The following GNPNAT1 variants were observed in gnomAD, a reference collection of about 807,000 sequenced individuals.
GNPNAT1 encodes glucosamine 6-phosphate N-acetyltransferase.
A neutral mutation model predicts 19.8 loss-of-function variants in GNPNAT1; 11 were observed. The ratio of observed to expected loss-of-function variants is 0.56; its 90% confidence interval spans 0.35 to 0.92. The LOEUF (loss-of-function observed/expected upper bound fraction) is 0.92. Ranked by LOEUF, GNPNAT1 falls within the 40% of genes least tolerant of loss-of-function variation. The pLI is 0.01. For missense variants in GNPNAT1, 157 were observed against 211.0 expected (o/e 0.74, Z 1.59); for synonymous variants, 71 against 72.3 (o/e 0.98, Z 0.09).
chr14:52,778,897 C>T (rs763513817), intron 5 of GNPNAT1, among the ~76,000 whole-genome samples: 52 of 152,112 alleles, frequency 3.4e-4, no homozygotes, highest in Non-Finnish European at 6.0e-4. Context: ...TGCCTAAAGT[C>T]GCAGCTACTC....
chr14:52,781,740 G>A (rs1485975466), intron 4 of GNPNAT1, 44 bp downstream of exon 4: 3 of 1,545,080 alleles, frequency 1.9e-6, no homozygotes, highest in African/African-American at 1.4e-5. Context: ...AAAGTCAGTT[G>A]TGCTAGAAAA....
At chr14:52,781,275 G>C (rs1427604767) in intron 4 of GNPNAT1, among the ~76,000 whole-genome samples, 2 of 151,942 alleles carry the variant, frequency 1.3e-5, no homozygotes, top group African/African-American at 2.4e-5. Context: ...TTAATGTCTA[G>C]TACAGAAACC....
At chr14:52,781,523 G>A (rs1027619608) in intron 4 of GNPNAT1, among the ~76,000 whole-genome samples, 1 of 151,872 alleles carries the variant, frequency 6.6e-6, no homozygotes. Context: ...TTTTAAAAGA[G>A]TAACATTAGG....
chr14:52,782,952 G>C (rs1445482559), intron 3 of GNPNAT1, among the ~76,000 whole-genome samples: 1 of 152,028 alleles, frequency 6.6e-6, no homozygotes, highest in East Asian at 1.9e-4. Context: ...GCAAGTCTTT[G>C]GATCTCTCTA....
rs1882764419 is a variant in GNPNAT1, at chr14:52,777,474, T to C, written c.*837A>G. ...TATTGTGTTTCACTCAATTTTGTGATACTCCATTTTTGAAAAAACTTAGAG... is the reference window on the plus strand; with the variant it reads ...TATTGTGTTTCACTCAATTTTGTGACACTCCATTTTTGAAAAAACTTAGAG... On this transcript the variant is annotated 3_prime_UTR_variant, in exon 6 of 6. Coordinates refer to ENST00000216410, the MANE Select transcript of GNPNAT1 (RefSeq NM_198066.4). 1 of 152,158 alleles carries C rather than the reference T, an allele frequency of 6.6e-6. No individual in the cohort carries two copies. Among genetic ancestry groups the C allele is most frequent in the Admixed American group, 6.5e-5 (1 of 15,280 alleles). 9.4% of individuals were successfully genotyped at this position (152,158 alleles called of 1,614,324 possible).
chr14:52,780,834 T>C (rs1318566441), intron 4 of GNPNAT1, 94 bp from the exon 5 acceptor site: 1 of 730,672 alleles, frequency 1.4e-6, no homozygotes, highest in African/African-American at 1.8e-5. Context: ...AAGTAGTATA[T>C]TTTGTAAACT....
At chr14:52,785,907 C>T (rs1883005096) in intron 1 of GNPNAT1, among the ~76,000 whole-genome samples, 1 of 150,750 alleles carries the variant, frequency 6.6e-6, no homozygotes, top group Admixed American at 6.6e-5. Flanking sequence ...GCCACCACGC[C>T]CAGCTAGTTT....
At chr14:52,783,208 A>T (rs940515868) in intron 3 of GNPNAT1, among the ~76,000 whole-genome samples, 1 of 152,140 alleles carries the variant, frequency 6.6e-6, no homozygotes, top group Admixed American at 6.5e-5. Flanking sequence ...TAATTATCTA[A>T]TAAAGTAGTC....
At chr14:52,789,636 G>A (rs1883107447) in intron 1 of GNPNAT1, among the ~76,000 whole-genome samples, 1 of 152,130 alleles carries the variant, frequency 6.6e-6, no homozygotes. Flanking sequence ...GATATGACTT[G>A]AAACCTGGTT....
intron 1 of GNPNAT1, among the ~76,000 whole-genome samples, chr14:52,786,529 T>C (rs1047142396): frequency 9.2e-5 from 14 of 151,992 alleles, no homozygotes; most frequent in Admixed American, 7.2e-4. Flanking sequence ...AAAATTAAAC[T>C]GTATAGTGTT....
At chr14:52,790,993 A>G (rs1883158977) in intron 1 of GNPNAT1, among the ~76,000 whole-genome samples, 1 of 151,978 alleles carries the variant, frequency 6.6e-6, no homozygotes, top group African/African-American at 2.4e-5. Context: ...AGCTGCCTCA[A>G]TGGCTCCGAC....
At position 52,778,442 on chromosome 14, in the gene GNPNAT1, T is replaced by C; in HGVS notation, c.424A>G (p.Thr142Ala). 6.2e-7 allele frequency: 1 copy of C among 1,605,946 alleles called. No individual in the cohort carries two copies. The highest frequency in any genetic ancestry group is 8.5e-7 in the Non-Finnish European group (1 of 1,177,610). Reference sequence around the variant, plus strand: ...CAGTTCAGTTTCTTGCTTAGCAAAGTAAGGGTTGATAATAACCTGAAATTT... The same window carrying C: ...CAGTTCAGTTTCTTGCTTAGCAAAGCAAGGGTTGATAATAACCTGAAATTT... ...QLGKLLLSTL[T>A]LLSKKLNCYK... Residue 142 changes from threonine to alanine, a missense_variant, in exon 6 of 6, where the codon ACT (threonine) becomes GCT (alanine). Coordinates refer to ENST00000216410, the MANE Select transcript of GNPNAT1 (RefSeq NM_198066.4).
chr14:52,780,672 T>A lies in GNPNAT1; in HGVS notation c.407+7A>T. The A allele has an allele frequency of 6.3e-7, 1 of 1,580,676 alleles. No individual in the cohort carries two copies. On this transcript the variant is annotated splice_region_variant and intron_variant, in intron 5 of 5. Coordinates refer to ENST00000216410, the MANE Select transcript of GNPNAT1 (RefSeq NM_198066.4). ...TATCCAGGGTTACCTTGTTTCTGCC[T>A]ACTTACAATTTGCCAAGCTGCTTTC...
intron 3 of GNPNAT1, 110 bp downstream of exon 3, chr14:52,783,313 G>T: frequency 1.5e-6 from 1 of 672,426 alleles, no homozygotes; most frequent in South Asian, 2.0e-5. Context: ...TTTGTTCTTT[G>T]AATAATTTCC....
At chr14:52,781,700 T>G in intron 4 of GNPNAT1, 84 bp downstream of exon 4, 4 of 1,304,162 alleles carry the variant, frequency 3.1e-6, no homozygotes, top group African/African-American at 1.5e-5. Flanking sequence ...TGAAAATCAA[T>G]GAGAAAACAG....
At chr14:52,781,746 G>A (rs1181922788) in intron 4 of GNPNAT1, 38 bp downstream of exon 4, 1 of 1,554,064 alleles carries the variant, frequency 6.4e-7, no homozygotes, top group East Asian at 2.4e-5. Context: ...AGTTGTGCTA[G>A]AAAACAGCTG....
At chr14:52,787,628 A>G (rs1397984856) in intron 1 of GNPNAT1, among the ~76,000 whole-genome samples, 1 of 152,120 alleles carries the variant, frequency 6.6e-6, no homozygotes, top group African/African-American at 2.4e-5. Flanking sequence ...CAACTGTGTG[A>G]TATGTACTAC....
At chr14:52,781,274 A>G (rs1416971889) in intron 4 of GNPNAT1, among the ~76,000 whole-genome samples, 4 of 152,142 alleles carry the variant, frequency 2.6e-5, no homozygotes, top group African/African-American at 9.7e-5. Context: ...ATTAATGTCT[A>G]GTACAGAAAC....
chr14:52,786,949 A>C (rs1182855627), intron 1 of GNPNAT1, among the ~76,000 whole-genome samples: 1 of 148,950 alleles, frequency 6.7e-6, no homozygotes, highest in East Asian at 2.0e-4. Flanking sequence ...ACCCAAGTCA[A>C]AATTCATTTG....
Sources: gnomAD v4.1 joint callset for allele counts (sites outside exome capture counted in the v4.1 genomes callset) on GRCh38, gnomAD v4.1.1 for gene constraint, MANE v1.5 for transcripts, NCBI Gene and HGNC (gene_info 2026-07-23, HGNC 2026-07-21) for gene names.